MYO10: variants seen among roughly 807,000 people sequenced by gnomAD.
MYO10 encodes myosin X, also known as unconventional myosin-X.
Under a neutral mutation model 257.3 loss-of-function variants are expected in MYO10, and 133 were observed. That is an observed-to-expected ratio of 0.52 (90% CI 0.45 to 0.60). The LOEUF is 0.60. Ranked by LOEUF, MYO10 falls within the 20% of genes least tolerant of loss-of-function variation. The pLI, the probability that MYO10 is intolerant of heterozygous loss-of-function variation, is 0.00. For synonymous variants in MYO10, 1,104 were observed against 1,028.6 expected, an observed-to-expected ratio of 1.07 and a Z score of -1.40; for missense variants, 2,399 against 2,635.7, an observed-to-expected ratio of 0.91 and a Z score of 1.97.
chr5:16,929,386 T>C (rs1333002106), intron 1 of MYO10, among the ~76,000 whole-genome samples: 1 of 152,150 alleles, frequency 6.6e-6, no homozygotes, highest in Non-Finnish European at 1.5e-5. Context: ...CTGCCCACTT[T>C]TAGGGCATTT....
chr5:16,929,133 T>C (rs1427590087), intron 1 of MYO10, among the ~76,000 whole-genome samples: 3 of 151,802 alleles, frequency 2.0e-5, no homozygotes, highest in Admixed American at 1.3e-4. Flanking sequence ...TTTGTATTTT[T>C]AGTAGAGATG....
intron 9 of MYO10, among the ~76,000 whole-genome samples, chr5:16,770,730 T>G (rs544527612): frequency 1.3e-5 from 2 of 152,268 alleles, no homozygotes; most frequent in South Asian, 4.1e-4. Flanking sequence ...AGGAAACAAC[T>G]GGAGATTTAA....
chr5:16,857,307 A>G (rs1743987100), intron 2 of MYO10, among the ~76,000 whole-genome samples: 1 of 152,234 alleles, frequency 6.6e-6, no homozygotes, highest in South Asian at 2.1e-4. Flanking sequence ...ATACTGCTCA[A>G]TAAGGATTCC....
At chr5:16,898,414 T>TC (rs922833763) in intron 1 of MYO10, among the ~76,000 whole-genome samples, 6 of 36,290 alleles carry the variant, frequency 1.7e-4, no homozygotes, top group African/African-American at 3.3e-4. Flanking sequence ...TTTCTTTCTC[T>TC]TTTTTTTTTT....
At chr5:16,691,859 A>G (rs1322657094) in intron 27 of MYO10, among the ~76,000 whole-genome samples, 1 of 152,228 alleles carries the variant, frequency 6.6e-6, no homozygotes, top group African/African-American at 2.4e-5. Flanking sequence ...CTAATGACCA[A>G]TTCACAAGAA....
chr5:16,696,992 G>A (rs1241725223), intron 26 of MYO10, among the ~76,000 whole-genome samples: 4 of 152,072 alleles, frequency 2.6e-5, no homozygotes, highest in East Asian at 1.9e-4. Flanking sequence ...TTCTAACTGA[G>A]AAAATCTTAA....
At chr5:16,669,409 T>C (rs1207228970) in intron 39 of MYO10, among the ~76,000 whole-genome samples, 1 of 152,088 alleles carries the variant, frequency 6.6e-6, no homozygotes, top group Non-Finnish European at 1.5e-5. Flanking sequence ...TTTCACCGTG[T>C]TAGCCAGGAT....
chr5:16,806,388 T>G (rs1742277141), intron 3 of MYO10, among the ~76,000 whole-genome samples: 1 of 151,618 alleles, frequency 6.6e-6, no homozygotes, highest in African/African-American at 2.4e-5. Context: ...GGCTCACACC[T>G]GTGATCCCAG....
At chr5:16,672,294 C>CAAAAAAAAAAAAA (rs10684695) in intron 37 of MYO10, among the ~76,000 whole-genome samples, 1 of 122,278 alleles carries the variant, frequency 8.2e-6, no homozygotes, top group Non-Finnish European at 1.7e-5. Flanking sequence ...GACTCCATCT[C>CAAAAAAAAAAAAA]AAAAAAAAAA....
chr5:16,821,086 C>T (rs993962548), intron 2 of MYO10, among the ~76,000 whole-genome samples: 4 of 145,542 alleles, frequency 2.7e-5, no homozygotes, highest in East Asian at 2.0e-4. Context: ...GTTTTATATA[C>T]ATATAATGTA....
intron 27 of MYO10, among the ~76,000 whole-genome samples, chr5:16,692,409 G>C (rs1261178740): frequency 1.3e-5 from 2 of 152,098 alleles, no homozygotes; most frequent in Non-Finnish European, 2.9e-5. Context: ...AACAGAGTGA[G>C]ACTTGGTCTC....
Position 16,935,907 on chromosome 5 carries a change from C to G in MYO10, c.-99G>C. 6.8e-7 allele frequency: 1 copy of G among 1,474,446 alleles called. No homozygotes were observed. Among genetic ancestry groups the G allele is most frequent in the African/African-American group, 1.4e-5 (1 of 71,470 alleles). The allele number at this position is 1,474,446 out of a possible 1,614,324, so 91.3% of individuals were successfully genotyped here. A position where few individuals can be genotyped will look rare whatever the true frequency, so the allele number is the denominator to read the frequency against. On this transcript the variant is annotated 5_prime_UTR_variant, in exon 1 of 41. Coordinates refer to ENST00000513610, the MANE Select transcript of MYO10 (RefSeq NM_012334.3). ...AAACCATGCGTGTCACGGCGCCACT[C>G]CCGAGGACGCGCGCCCGCGGGGCTC... is the stretch of plus-strand genomic sequence containing the variant.
chr5:16,685,273 C>G (rs1478166114), intron 29 of MYO10, among the ~76,000 whole-genome samples: 4 of 152,064 alleles, frequency 2.6e-5, no homozygotes, highest in African/African-American at 9.7e-5. Flanking sequence ...TTCAGTGGCG[C>G]AATCATAGCT....
intron 1 of MYO10, among the ~76,000 whole-genome samples, chr5:16,878,962 TC>T (rs1744685941): frequency 7.1e-6 from 1 of 140,698 alleles, no homozygotes; most frequent in African/African-American, 2.7e-5. Context: ...ACACCACCTG[TC>T]CCCCCAAAAA....
chr5:16,691,901 A>T (rs31311), intron 27 of MYO10, among the ~76,000 whole-genome samples: 2 of 151,860 alleles, frequency 1.3e-5, no homozygotes, highest in African/African-American at 4.8e-5. Flanking sequence ...GTTCAAACAC[A>T]TGCCCATATA....
rs1258970659 is a variant in MYO10 at position 16,831,582 on chromosome 5, G to GA, written c.121-13416dup. On this transcript the variant is annotated intron_variant, in intron 2 of 40. Transcript: ENST00000513610. ...TAATGGTATTCACAGCAACCTGGAT[G>GA]AGACTGGAGACTATTATTCTAAGTG... Among the ~76,000 whole-genome samples the GA allele has an allele frequency of 2.0e-5, 3 of 152,288 alleles. No individual in the cohort carries two copies. The East Asian group carries it at 5.8e-4, about 29-fold the overall frequency.
At chr5:16,757,830 A>G (rs250339) in intron 18 of MYO10, among the ~76,000 whole-genome samples, 33,662 of 151,958 alleles carry the variant, frequency 0.22, 4,225 homozygotes, top group Non-Finnish European at 0.27. Context: ...GCACCCAGAT[A>G]ATTTCTGTAT....
chr5:16,761,420 T>C, intron 17 of MYO10, 44 bp downstream of exon 17: 1 of 1,439,502 alleles, frequency 6.9e-7, no homozygotes, highest in Non-Finnish European at 9.7e-7. Context: ...TGCACAAATA[T>C]TCATTTGCTT....
chr5:16,848,950 T>C (rs1405870228), intron 2 of MYO10, among the ~76,000 whole-genome samples: 1 of 152,174 alleles, frequency 6.6e-6, no homozygotes, highest in Non-Finnish European at 1.5e-5. Context: ...TATTATGTAT[T>C]TGAATTAATT....
Sources: gnomAD v4.1 joint callset for allele counts (sites outside exome capture counted in the v4.1 genomes callset) on GRCh38, gnomAD v4.1.1 for gene constraint, MANE v1.5 for transcripts, NCBI Gene and HGNC (gene_info 2026-07-23, HGNC 2026-07-21) for gene names.